The following ZNF451 variants were observed in gnomAD, a reference collection of about 807,000 sequenced individuals.
ZNF451 encodes zinc finger protein 451.
A neutral mutation model predicts 107.1 loss-of-function variants in ZNF451; 80 were observed. The observed-to-expected ratio is 0.75, with a 90% CI of 0.62 to 0.90. The LOEUF is 0.90. Among genes scored for constraint, ZNF451 ranks in the 40% least tolerant of loss-of-function variants. The pLI is 0.00. For missense variants in ZNF451, 1,107 were observed against 1,236.2 expected (o/e 0.90, Z 1.57); for synonymous variants, 362 against 406.5 (o/e 0.89, Z 1.32).
At chr6:57,101,506 C>T (rs1346419252) in intron 3 of ZNF451, 6 of 1,551,002 alleles carry the variant, frequency 3.9e-6, no homozygotes, top group Non-Finnish European at 5.2e-6. Flanking sequence ...AACATCCCCT[C>T]TAGATTCTAC....
At chr6:57,092,920 T>A (rs1202973269) in intron 2 of ZNF451, 3 of 152,186 alleles carry the variant, frequency 2.0e-5, no homozygotes, top group African/African-American at 7.2e-5. Flanking sequence ...TAAATTTTAT[T>A]GAAATATACA....
rs186007527 is a variant in ZNF451, at chr6:57,104,660, G to A, written c.186+5519G>A. The A allele has an allele frequency of 2.8e-4, 272 of 984,706 alleles. 1 individual carries two copies. The highest frequency in any genetic ancestry group is 2.4e-3 in the African/African-American group (139 of 57,236). 61.0% of individuals were successfully genotyped at this position (984,706 alleles called of 1,614,324 possible). The stretch of plus-strand genomic sequence containing the variant: ...TGAGCACCTTAACCATTTTTTAAGC[G>A]TATGGTAGTGTTGACTATATTTGCA... On this transcript the variant is annotated intron_variant, in intron 3 of 14. Coordinates refer to ENST00000370706, the MANE Select transcript of ZNF451 (RefSeq NM_001031623.3).
intron 3 of ZNF451, among the ~76,000 whole-genome samples, chr6:57,120,645 A>G (rs1270804566): frequency 1.3e-5 from 2 of 152,172 alleles, no homozygotes; most frequent in Non-Finnish European, 2.9e-5. Flanking sequence ...CCCTAATGGC[A>G]TATGCTGATC....
In ZNF451 at chr6:57,147,962, T is replaced by G. The variant is rs1016860337; in HGVS notation, c.1877T>G (p.Met626Arg). Residue 626 changes from methionine to arginine, a missense_variant, in exon 10 of 15, where the codon ATG becomes AGG. Met to Arg is a moderately conservative substitution (Grantham distance 91). Coordinates refer to ENST00000370706, the MANE Select transcript of ZNF451 (RefSeq NM_001031623.3). The part of the protein sequence containing the change: ...DSQEYVKQHC[M>R]SLASHKFHRY... ...CAGGAATATGTAAAACAGCACTGCATGTCTTTGGCAAGCCACAAGTTTCAT... is the reference window on the plus strand; with the variant it reads ...CAGGAATATGTAAAACAGCACTGCAGGTCTTTGGCAAGCCACAAGTTTCAT... 30 of 1,614,026 alleles carry G rather than the reference T, an allele frequency of 1.9e-5. No individual in the cohort carries two copies. The highest frequency in any genetic ancestry group is 2.5e-5 in the Non-Finnish European group (30 of 1,179,986).
In ZNF451 at chr6:57,132,944, A is replaced by G. The variant is rs1053780505; in HGVS notation, c.425-98A>G. The G allele has an allele frequency of 8.1e-5, 96 of 1,191,094 alleles. No homozygotes were observed. The African/African-American group carries it at 1.1e-3, about 14-fold the overall frequency. 73.8% of individuals were successfully genotyped at this position (1,191,094 alleles called of 1,614,324 possible). On this transcript the variant is annotated intron_variant, in intron 5 of 14. Coordinates refer to ENST00000370706, the MANE Select transcript of ZNF451 (RefSeq NM_001031623.3). ...TAATTAGCATCATCCAGTTGATGCT[A>G]TGTCATAATTTTCATTGTTTTGTCC...
intron 2 of ZNF451, among the ~76,000 whole-genome samples, chr6:57,097,471 T>G (rs1291237940): frequency 6.6e-6 from 1 of 152,220 alleles, no homozygotes; most frequent in Non-Finnish European, 1.5e-5. Context: ...ACATACTGGA[T>G]TTCTCAAAAG....
At chr6:57,104,917 G>A (rs1406375826) in intron 3 of ZNF451, 1 of 985,406 alleles carries the variant, frequency 1.0e-6, no homozygotes, top group South Asian at 4.7e-5. Flanking sequence ...GTTTAATAGG[G>A]ATGGGGACAG....
At chr6:57,145,378 G>C (rs1832012125) in intron 9 of ZNF451, among the ~76,000 whole-genome samples, 2 of 151,988 alleles carry the variant, frequency 1.3e-5, no homozygotes, top group African/African-American at 4.8e-5. Flanking sequence ...CAGATATCTG[G>C]GCTTTTAATG....
Position 57,148,748 on chromosome 6 carries a change from G to A in ZNF451, c.2608+55G>A. On this transcript the variant is annotated intron_variant, in intron 10 of 14. Coordinates refer to ENST00000370706, the MANE Select transcript of ZNF451 (RefSeq NM_001031623.3). ...ATATACTGATATTGAAACTTACAAT[G>A]TACCCACCTCGATTCAATTTTGAAG... 2.0e-6 allele frequency: 3 copies of A among 1,479,460 alleles called. No individual in the cohort carries two copies. In the South Asian group the frequency reaches 4.1e-5, roughly 20 times the overall value. 91.6% of individuals were successfully genotyped at this position (1,479,460 alleles called of 1,614,324 possible).
At chr6:57,135,320 A>G (rs1350130950) in intron 7 of ZNF451, among the ~76,000 whole-genome samples, 4 of 152,198 alleles carry the variant, frequency 2.6e-5, no homozygotes, top group Non-Finnish European at 5.9e-5. Context: ...AAATCTTAAG[A>G]GACATGAGTT....
At chr6:57,114,044 T>C (rs1451220818) in intron 3 of ZNF451, among the ~76,000 whole-genome samples, 1 of 152,218 alleles carries the variant, frequency 6.6e-6, no homozygotes, top group Admixed American at 6.5e-5. Flanking sequence ...GTAGATGAAT[T>C]TTAACAGAAA....
chr6:57,142,148 G>C, intron 9 of ZNF451, 53 bp downstream of exon 9: 1 of 1,504,256 alleles, frequency 6.6e-7, no homozygotes, highest in Non-Finnish European at 9.0e-7. Flanking sequence ...TTGCCAGTGA[G>C]AAGATTCAAC....
At chr6:57,107,898 G>T (rs912766351) in intron 3 of ZNF451, 54 of 790,122 alleles carry the variant, frequency 6.8e-5, no homozygotes, top group Admixed American at 1.9e-4. Flanking sequence ...GAGTACAGTG[G>T]TGAGATCACG....
intron 3 of ZNF451, chr6:57,105,416 CT>C (rs2127944082): frequency 1.0e-6 from 1 of 985,268 alleles, no homozygotes; most frequent in South Asian, 4.7e-5. Context: ...TTCTTTAAAA[CT>C]TAAACTTTGA....
chr6:57,158,409 T>C (rs775744023), intron 13 of ZNF451: 36 of 662,980 alleles, frequency 5.4e-5, no homozygotes, highest in Non-Finnish European at 6.5e-5. Flanking sequence ...TTCTGGTGCT[T>C]TAAAAAGTAA....
chr6:57,124,318 C>G, intron 3 of ZNF451: 1 of 670,900 alleles, frequency 1.5e-6, no homozygotes, highest in South Asian at 1.6e-5. Flanking sequence ...CAGGCTCGTC[C>G]ACGCTAAGCA....
chr6:57,125,519 C>G (rs1045156915), intron 4 of ZNF451, among the ~76,000 whole-genome samples: 8 of 152,098 alleles, frequency 5.3e-5, no homozygotes, highest in African/African-American at 1.9e-4. Context: ...AATCATGCCT[C>G]TGGCCAGCAG....
intron 3 of ZNF451, chr6:57,109,176 ATTC>A (rs1830001523): frequency 2.0e-6 from 2 of 985,336 alleles, no homozygotes; most frequent in Non-Finnish European, 2.4e-6. Context: ...GACTAAGATT[ATTC>A]TTGATTCGTA....
intron 7 of ZNF451, among the ~76,000 whole-genome samples, chr6:57,138,731 A>ATGTGTG (rs1298715865): frequency 9.4e-4 from 106 of 112,894 alleles, no homozygotes; most frequent in Non-Finnish European, 1.3e-3. Context: ...ATATATATAT[A>ATGTGTG]TATATATATA....
Sources: gnomAD v4.1 joint callset for allele counts (sites outside exome capture counted in the v4.1 genomes callset) on GRCh38, gnomAD v4.1.1 for gene constraint, MANE v1.5 for transcripts, NCBI Gene and HGNC (gene_info 2026-07-23, HGNC 2026-07-21) for gene names.